TCF12: variants seen among roughly 807,000 people sequenced by gnomAD.
TCF12 encodes the protein transcription factor 12, also known as DNA-binding protein HTF4.
In TCF12, 45 loss-of-function variants were observed where a neutral mutation model predicts 86.0. The ratio of observed to expected loss-of-function variants is 0.52; its 90% CI spans 0.41 to 0.67. The LOEUF is 0.67. Among genes scored for constraint, TCF12 ranks in the 30% least tolerant of loss-of-function variants. The pLI is 0.00. For synonymous variants in TCF12, 330 were observed against 299.6 expected (o/e 1.10, Z -1.05); for missense variants, 881 against 859.9 (o/e 1.02, Z -0.31).
At chr15:57,041,748 A>G (rs1462254854) in intron 3 of TCF12, among the ~76,000 whole-genome samples, 1 of 152,172 alleles carries the variant, frequency 6.6e-6, no homozygotes, top group Non-Finnish European at 1.5e-5. Context: ...AGCAAAAATA[A>G]TTGAGATTTA....
At chr15:56,957,294 A>G (rs1214835872) in intron 3 of TCF12, among the ~76,000 whole-genome samples, 3 of 152,156 alleles carry the variant, frequency 2.0e-5, no homozygotes, top group Non-Finnish European at 4.4e-5. Flanking sequence ...AAATTTTTGG[A>G]AGTTTTTTAT....
intron 5 of TCF12, among the ~76,000 whole-genome samples, chr15:57,129,198 G>C (rs186444865): frequency 1.6e-3 from 250 of 152,308 alleles, no homozygotes; most frequent in African/African-American, 5.8e-3. Flanking sequence ...ACATGCGTCT[G>C]TTCCTTTTAT....
In TCF12 at chr15:57,111,298, T is replaced by C. The variant is rs188639279; in HGVS notation, c.325+19407T>C. On this transcript the variant is annotated intron_variant, in intron 5 of 20. Transcript: ENST00000333725. ...ATGAAAACATAGTGCCTACAACTTTTGCTAGATGTTCATTGTGTTCTTAAA... is the reference window on the plus strand; with the variant it reads ...ATGAAAACATAGTGCCTACAACTTTCGCTAGATGTTCATTGTGTTCTTAAA... Among the ~76,000 whole-genome samples, 6 of 152,332 alleles carry C rather than the reference T, an allele frequency of 3.9e-5. No individual in the cohort carries two copies. The East Asian group carries it at 1.2e-3, about 29-fold the overall frequency.
chr15:56,992,736 G>A (rs1349238526), intron 3 of TCF12, among the ~76,000 whole-genome samples: 1 of 152,166 alleles, frequency 6.6e-6, no homozygotes, highest in Non-Finnish European at 1.5e-5. Flanking sequence ...TTTATTAATA[G>A]TGTTACGGCT....
At chr15:57,170,715 A>ATAT (rs1567558994) in intron 6 of TCF12, among the ~76,000 whole-genome samples, 137 of 11,324 alleles carry the variant, frequency 0.012, 6 homozygotes, top group African/African-American at 0.042. Flanking sequence ...AATATATAAT[A>ATAT]TATATATTAT....
intron 8 of TCF12, among the ~76,000 whole-genome samples, chr15:57,200,367 A>G (rs1488887891): frequency 5.3e-5 from 8 of 152,152 alleles, no homozygotes; most frequent in African/African-American, 1.9e-4. Flanking sequence ...TTAAGTTGTG[A>G]TTTCCTATTT....
chr15:57,168,693 G>A (rs56151428), intron 6 of TCF12, among the ~76,000 whole-genome samples: 27,400 of 152,026 alleles, frequency 0.18, 2,980 homozygotes, highest in Non-Finnish European at 0.24. Context: ...TGAGAGTTTT[G>A]TAGGCCACCT....
intron 3 of TCF12, among the ~76,000 whole-genome samples, chr15:57,005,863 C>T (rs565253657): frequency 6.6e-6 from 1 of 152,322 alleles, no homozygotes; most frequent in South Asian, 2.1e-4. Flanking sequence ...AGCTACCACC[C>T]TCAGTCTGAG....
intron 8 of TCF12, among the ~76,000 whole-genome samples, chr15:57,218,024 T>A (rs560597069): frequency 2.0e-5 from 3 of 152,174 alleles, no homozygotes; most frequent in Non-Finnish European, 4.4e-5. Context: ...TTATTGTTGT[T>A]CCAATACTAT....
At chr15:57,170,787 AT>A (rs1567560061) in intron 6 of TCF12, among the ~76,000 whole-genome samples, 1 of 42,392 alleles carries the variant, frequency 2.4e-5, no homozygotes, top group African/African-American at 1.0e-4. Flanking sequence ...TAATATATAT[AT>A]ATAATATATA....
In TCF12 at chr15:57,136,958, GTTTTTTTTTTTGTTT is replaced by G. The variant is rs1221775229; in HGVS notation, c.326-29432_326-29418del. Among the ~76,000 whole-genome samples, 479 of 82,980 alleles carry G rather than the reference GTTTTTTTTTTTGTTT, an allele frequency of 5.8e-3. 64 individuals carry two copies. The highest frequency in any genetic ancestry group is 0.013 in the African/African-American group (266 of 20,762). 54.4% of individuals were successfully genotyped at this position (82,980 alleles called of 152,430 possible). ...TAGACAATAGCCACTGCTTCTGGCA[GTTTTTTTTTTTGTTT>G]TTTTTTTTTTTTTTTTTTTTTTTTG... On this transcript the variant is annotated intron_variant, in intron 5 of 20. Coordinates refer to ENST00000333725, the MANE Select transcript of TCF12 (RefSeq NM_207037.2).
intron 3 of TCF12, among the ~76,000 whole-genome samples, chr15:56,985,766 C>T (rs2063150958): frequency 6.6e-6 from 1 of 152,092 alleles, no homozygotes; most frequent in Non-Finnish European, 1.5e-5. Context: ...AAGCCTATTA[C>T]AATAACGTGT....
intron 5 of TCF12, among the ~76,000 whole-genome samples, chr15:57,165,823 A>C (rs139503046): frequency 6.6e-6 from 1 of 152,156 alleles, no homozygotes; most frequent in African/African-American, 2.4e-5. Context: ...GGCGTGAGCC[A>C]CTGTGCCTGG....
At chr15:57,101,599 GCA>G (rs758097722) in intron 5 of TCF12, among the ~76,000 whole-genome samples, 17 of 152,116 alleles carry the variant, frequency 1.1e-4, no homozygotes, top group Non-Finnish European at 2.2e-4. Flanking sequence ...ACGCGTGCGT[GCA>G]CACACACACG....
intron 5 of TCF12, among the ~76,000 whole-genome samples, chr15:57,130,940 ACTAAATTTTATCTGACT>A (rs1255824053): frequency 2.6e-5 from 4 of 152,192 alleles, no homozygotes; most frequent in Non-Finnish European, 5.9e-5. Flanking sequence ...TGGGATTTAA[ACTAAATTTTATCTGACT>A]CCAGAGCTCA....
chr15:57,174,997 A>G (rs1278696683), intron 6 of TCF12, among the ~76,000 whole-genome samples: 1 of 152,284 alleles, frequency 6.6e-6, no homozygotes, highest in African/African-American at 2.4e-5. Flanking sequence ...TCTGCTTATC[A>G]AAAGACATAG....
At chr15:57,151,161 T>TC (rs1486164974) in intron 5 of TCF12, among the ~76,000 whole-genome samples, 8 of 150,302 alleles carry the variant, frequency 5.3e-5, no homozygotes, top group Middle Eastern at 6.8e-3. Context: ...TTTTTTTTTT[T>TC]TTAGAGACAG....
chr15:56,966,736 T>G (rs2062022315), intron 3 of TCF12, among the ~76,000 whole-genome samples: 1 of 152,188 alleles, frequency 6.6e-6, no homozygotes, highest in Non-Finnish European at 1.5e-5. Flanking sequence ...GTAAATGGCT[T>G]ATATATATTA....
chr15:57,131,268 A>G (rs2052095356), intron 5 of TCF12, among the ~76,000 whole-genome samples: 1 of 151,988 alleles, frequency 6.6e-6, no homozygotes, highest in Admixed American at 6.5e-5. Context: ...ACTGCTCTTT[A>G]TGTTTTTTCC....
Sources: gnomAD v4.1 joint callset for allele counts (sites outside exome capture counted in the v4.1 genomes callset) on GRCh38, gnomAD v4.1.1 for gene constraint, MANE v1.5 for transcripts, NCBI Gene and HGNC (gene_info 2026-07-23, HGNC 2026-07-21) for gene names.